The following SLCO1B3 variants were observed in gnomAD, a reference collection of about 807,000 sequenced individuals.
SLCO1B3 encodes the protein solute carrier organic anion transporter family member 1B3.
Under a neutral mutation model 71.8 loss-of-function variants are expected in SLCO1B3, and 72 were observed. The observed-to-expected ratio is 1.00, with a 90% confidence interval of 0.83 to 1.22. The LOEUF is 1.22. Ranked by LOEUF, SLCO1B3 falls within the 50% of genes most tolerant of loss-of-function variation. The pLI is 0.00. For missense variants in SLCO1B3, 911 were observed against 819.7 expected (o/e 1.11, Z -1.36); for synonymous variants, 298 against 278.4 (o/e 1.07, Z -0.70).
intron 12 of SLCO1B3, among the ~76,000 whole-genome samples, chr12:20,881,669 C>CAAAA (rs1865696429): frequency 6.8e-6 from 1 of 147,742 alleles, no homozygotes; most frequent in Non-Finnish European, 1.5e-5. Context: ...TTTCTTAACT[C>CAAAA]AAAGGCTTTT....
intron 3 of SLCO1B3, among the ~76,000 whole-genome samples, chr12:20,824,734 G>A (rs1864386178): frequency 6.6e-6 from 1 of 152,130 alleles, no homozygotes; most frequent in African/African-American, 2.4e-5. Flanking sequence ...ATTTGACAGT[G>A]CTTCCTGTGT....
intron 1 of SLCO1B3, among the ~76,000 whole-genome samples, chr12:20,812,420 G>C (rs1472249518): frequency 6.6e-6 from 1 of 152,172 alleles, no homozygotes; most frequent in Admixed American, 6.5e-5. Flanking sequence ...ATTTCAACTA[G>C]AGGTAAATAG....
chr12:20,877,873 T>TA lies in SLCO1B3; in HGVS notation c.1073dup (p.Tyr358Ter), dbSNP rs748726828. Residue 358 changes from tyrosine to a stop codon, truncating the protein, a stop_gained and frameshift_variant, in exon 10 of 16, where the codon TAC becomes TAAC. Transcript: ENST00000381545. LOFTEE classifies it high-confidence loss of function. ...QVSSFIGSFT[Y>*]VFKYMEQQYG... is the part of the protein sequence containing the mutation. ...AAGCAGCTTTATTGGTTCTTTTACT[T>TA]ACGTCTTTAAATATATGGAGCAACA... The TA allele has an allele frequency of 1.8e-5, 29 of 1,592,692 alleles. No individual in the cohort carries two copies. The Admixed American group carries it at 2.5e-4, about 14-fold the overall frequency.
chr12:20,835,041 G>A (rs1375964458), intron 3 of SLCO1B3, among the ~76,000 whole-genome samples: 1 of 152,106 alleles, frequency 6.6e-6, no homozygotes, highest in Non-Finnish European at 1.5e-5. Context: ...CTTGACTTCT[G>A]TGCACCTGTA....
chr12:20,912,255 A>G lies in SLCO1B3; in HGVS notation c.1866-3749A>G, dbSNP rs991344663. Among the ~76,000 whole-genome samples the G allele has an allele frequency of 1.5e-4, 23 of 151,392 alleles. No homozygotes were observed. The East Asian group carries it at 2.3e-3, about 15-fold the overall frequency. ...ATTCCCTTGTGGTTTAAGGACAGAT[A>G]TTACATGATTTTCATTCTTTCAAAT... is the stretch of plus-strand genomic sequence containing the variant. On this transcript the variant is annotated intron_variant, in intron 15 of 15. Transcript: ENST00000381545.
rs1449152778 is a variant in SLCO1B3, at chr12:20,875,310, T to G, written c.803T>G (p.Phe268Cys). The change falls in exon 9 of 16, where the codon TTT becomes TGT. Residue 268 changes from phenylalanine to cysteine, a missense_variant. By Grantham distance (205) the Phe-to-Cys change is radical. Transcript: ENST00000381545. ...WWLGFLVSGL[F>C]SIISSIPFFF... is the part of the protein sequence containing the mutation. ...CTTGGTTTCCTTGTGTCTGGACTATTTTCCATTATTTCTTCCATACCATTT... is the reference window on the plus strand; with the variant it reads ...CTTGGTTTCCTTGTGTCTGGACTATGTTCCATTATTTCTTCCATACCATTT... 6.8e-6 allele frequency: 11 copies of G among 1,613,440 alleles called. No homozygotes were observed. Among genetic ancestry groups the G allele is most frequent in the Middle Eastern group, 1.6e-4 (1 of 6,084 alleles).
intron 3 of SLCO1B3, among the ~76,000 whole-genome samples, chr12:20,848,280 G>A (rs1471185556): frequency 6.6e-6 from 1 of 152,126 alleles, no homozygotes; most frequent in East Asian, 1.9e-4. Flanking sequence ...TTCAAACAAT[G>A]AGCTTTCATT....
intron 13 of SLCO1B3, among the ~76,000 whole-genome samples, chr12:20,885,913 C>T (rs1353595597): frequency 6.6e-6 from 1 of 151,984 alleles, no homozygotes; most frequent in Non-Finnish European, 1.5e-5. Context: ...TCTGACTGTG[C>T]ATGACTTGTG....
At chr12:20,835,342 T>C (rs919928685) in intron 3 of SLCO1B3, among the ~76,000 whole-genome samples, 8 of 152,192 alleles carry the variant, frequency 5.3e-5, no homozygotes, top group African/African-American at 1.9e-4. Flanking sequence ...CATTACTTAC[T>C]CAAATTTCTG....
In SLCO1B3 at chr12:20,898,501, G is replaced by A. The variant is rs373707046; in HGVS notation, c.1747+1G>A. On this transcript the variant is annotated splice_donor_variant, in intron 14 of 15. Coordinates refer to ENST00000381545, the MANE Select transcript of SLCO1B3 (RefSeq NM_019844.4). LOFTEE classifies it high-confidence loss of function. ...CAGTCAATGGTTATAAGAACACTAG[G>A]TATGACAAATATATAGATTATACAT... 2.7e-5 allele frequency: 40 copies of A among 1,495,020 alleles called. 1 individual carries two copies. Among genetic ancestry groups the A allele is most frequent in the East Asian group, 1.8e-4 (8 of 43,852 alleles). 92.6% of individuals were successfully genotyped at this position (1,495,020 alleles called of 1,614,324 possible). A position where few individuals can be genotyped will look rare whatever the true frequency, so the allele number is the denominator to read the frequency against.
At chr12:20,890,060 GACCT>G in intron 13 of SLCO1B3, among the ~76,000 whole-genome samples, 1 of 151,920 alleles carries the variant, frequency 6.6e-6, no homozygotes, top group East Asian at 1.9e-4. Flanking sequence ...TGGGATTAAA[GACCT>G]GTGCCACCAC....
intron 3 of SLCO1B3, among the ~76,000 whole-genome samples, chr12:20,819,724 T>G (rs1207404474): frequency 6.6e-6 from 1 of 152,180 alleles, no homozygotes; most frequent in Non-Finnish European, 1.5e-5. Flanking sequence ...TAACAGGCTT[T>G]AATCCTTTCA....
At chr12:20,907,432 C>T (rs1475708822) in intron 15 of SLCO1B3, among the ~76,000 whole-genome samples, 4 of 51,496 alleles carry the variant, frequency 7.8e-5, no homozygotes, top group Admixed American at 4.3e-4. Flanking sequence ...TCCTTTCTTC[C>T]TCCCCCTTCC....
At chr12:20,884,721 A>C (rs1295521320) in intron 13 of SLCO1B3, among the ~76,000 whole-genome samples, 2 of 152,046 alleles carry the variant, frequency 1.3e-5, no homozygotes, top group African/African-American at 2.4e-5. Context: ...GTACTTTTAA[A>C]ACCTACTAGT....
intron 13 of SLCO1B3, among the ~76,000 whole-genome samples, chr12:20,884,435 A>C (rs1031758690): frequency 6.6e-6 from 1 of 152,170 alleles, no homozygotes; most frequent in African/African-American, 2.4e-5. Flanking sequence ...GAAAAAGCCA[A>C]ATGAAGGGCT....
At chr12:20,900,500 T>G (rs1866107486) in intron 14 of SLCO1B3, among the ~76,000 whole-genome samples, 1 of 152,216 alleles carries the variant, frequency 6.6e-6, no homozygotes, top group Non-Finnish European at 1.5e-5. Flanking sequence ...GAATTTATAC[T>G]TCTCCTATAA....
intron 12 of SLCO1B3, 66 bp from the exon 13 acceptor site, chr12:20,883,352 G>T (rs1234253801): frequency 1.2e-5 from 10 of 864,992 alleles, no homozygotes; most frequent in South Asian, 2.5e-5. Flanking sequence ...AAATATAATG[G>T]AATGTATTCA....
chr12:20,844,136 T>TA (rs1864858793), intron 3 of SLCO1B3, among the ~76,000 whole-genome samples: 3 of 152,084 alleles, frequency 2.0e-5, no homozygotes, highest in African/African-American at 7.2e-5. Flanking sequence ...ATAAGTTGTG[T>TA]GTATATATAT....
chr12:20,868,535 T>A (rs1357374108), intron 8 of SLCO1B3, among the ~76,000 whole-genome samples: 3 of 152,224 alleles, frequency 2.0e-5, no homozygotes, highest in African/African-American at 7.2e-5. Flanking sequence ...TCTGCTTTCA[T>A]GAGTTTGACT....
Sources: allele counts gnomAD v4.1 joint callset (sites outside exome capture counted in the v4.1 genomes callset), GRCh38; gene constraint gnomAD v4.1.1; transcripts MANE v1.5; gene names NCBI Gene and HGNC (gene_info 2026-07-23, HGNC 2026-07-21).